The following KIAA0586 variants were observed in gnomAD, a reference collection of about 807,000 sequenced individuals.
The protein encoded by KIAA0586 is KIAA0586.
In KIAA0586, 144 loss-of-function variants were observed where a neutral mutation model predicts 169.8. The ratio of observed to expected loss-of-function variants is 0.85; its 90% CI spans 0.74 to 0.97. The LOEUF is 0.97. Among genes scored for constraint, KIAA0586 ranks in the 50% least tolerant of loss-of-function variants. The pLI is 0.00. For synonymous variants in KIAA0586, 625 were observed against 612.4 expected (o/e 1.02, Z -0.30); for missense variants, 1,854 against 1,823.0 (o/e 1.02, Z -0.31).
Position 58,477,186 on chromosome 14 carries a change from A to C in KIAA0586, c.2889A>C (p.Ala963=). ...SGLFPVQQQI[A]PSISVSVSET... ...TCTTTCCAGTCCAGCAACAGATTGC[A>C]CCTAGTATCAGTGTTTCAGTCAGTG... Residue 963 remains alanine, a synonymous_variant, in exon 20 of 31, where the codon GCA becomes GCC. Transcript: ENST00000652326. 6.3e-7 allele frequency: 1 copy of C among 1,584,738 alleles called. No individual in the cohort carries two copies. The highest frequency in any genetic ancestry group is 8.6e-7 in the Non-Finnish European group (1 of 1,163,536).
At chr14:58,476,646 T>A (rs183782764) in intron 19 of KIAA0586, among the ~76,000 whole-genome samples, 1 of 150,802 alleles carries the variant, frequency 6.6e-6, no homozygotes, top group East Asian at 2.0e-4. Context: ...CTGTTTAGTG[T>A]GTTTTATCTT....
At chr14:58,513,799 T>C (rs2007064) in intron 29 of KIAA0586, among the ~76,000 whole-genome samples, 6,706 of 152,136 alleles carry the variant, frequency 0.044, 444 homozygotes, top group African/African-American at 0.15. Flanking sequence ...TTAATGTTTT[T>C]AAAAATCAAT....
intron 20 of KIAA0586, among the ~76,000 whole-genome samples, chr14:58,478,855 G>T (rs2041841911): frequency 6.6e-6 from 1 of 152,208 alleles, no homozygotes. Flanking sequence ...CCCGTTGTTA[G>T]CTGGCTTCTT....
chr14:58,487,185 T>A lies in KIAA0586; in HGVS notation c.3304+19T>A, dbSNP rs759164063. ...GAAAAAGGTAGAAACTTTATTTCTA[T>A]AACTCGGTTTTAATTTTAGCAACTA... On this transcript the variant is annotated intron_variant, in intron 22 of 30. Coordinates refer to ENST00000652326, the MANE Select transcript of KIAA0586 (RefSeq NM_001329943.3). 5.0e-6 allele frequency: 8 copies of A among 1,593,208 alleles called. No homozygotes were observed. The Admixed American group carries it at 1.0e-4, about 21-fold the overall frequency.
Position 58,490,189 on chromosome 14 carries a change from G to T in KIAA0586, c.3807G>T (p.Leu1269=). 6.5e-7 allele frequency: 1 copy of T among 1,527,354 alleles called. No individual in the cohort carries two copies. The highest frequency in any genetic ancestry group is 1.2e-5 in the South Asian group (1 of 80,904). The allele number at this position is 1,527,354 out of a possible 1,614,324, so 94.6% of individuals were successfully genotyped here. A position where few individuals can be genotyped will look rare whatever the true frequency, so the allele number is the denominator to read the frequency against. The change falls in exon 25 of 31, where the codon CTG becomes CTT. Residue 1269 remains leucine (L), a synonymous_variant. Transcript: ENST00000652326. The part of the protein sequence containing the change: ...PKILEDIGLY[L]TNLNDSLSST... The stretch of plus-strand genomic sequence containing the variant: ...TTTTAGAAGATATAGGACTGTACCT[G>T]ACAAACCTTAATGATAGCTTATCCA...
At chr14:58,506,123 C>G (rs1275654977) in intron 27 of KIAA0586, among the ~76,000 whole-genome samples, 1 of 151,938 alleles carries the variant, frequency 6.6e-6, no homozygotes, top group Non-Finnish European at 1.5e-5. Context: ...TTTTCAATAT[C>G]TTCTTTTTTT....
At position 58,548,580 on chromosome 14, in the gene KIAA0586, G is replaced by A. The variant is rs962054493; in HGVS notation, c.*648G>A. The A allele has an allele frequency of 6.6e-6, 1 of 152,082 alleles. No homozygotes were observed. Among genetic ancestry groups the A allele is most frequent in the Non-Finnish European group, 1.5e-5 (1 of 68,014 alleles). The allele number at this position is 152,082 out of a possible 1,614,324, so 9.4% of individuals were successfully genotyped here. A position where few individuals can be genotyped will look rare whatever the true frequency, so the allele number is the denominator to read the frequency against. ...ATATAAACAAGAAACTGCTAAGTTT[G>A]TCTCCAGGGAGTAGAATTGTTGGCT... On this transcript the variant is annotated 3_prime_UTR_variant, in exon 31 of 31. Transcript: ENST00000652326.
chr14:58,547,465 T>C (rs946942188), intron 30 of KIAA0586, among the ~76,000 whole-genome samples: 1 of 152,112 alleles, frequency 6.6e-6, no homozygotes, highest in African/African-American at 2.4e-5. Flanking sequence ...CAGCAAGAAG[T>C]TAAGTCTGGA....
At chr14:58,489,529 A>G (rs1179988994) in intron 24 of KIAA0586, among the ~76,000 whole-genome samples, 3 of 151,942 alleles carry the variant, frequency 2.0e-5, no homozygotes, top group Admixed American at 6.6e-5. Flanking sequence ...CTGAAACCTG[A>G]ATTTTTTTTT....
At chr14:58,470,521 A>G in intron 16 of KIAA0586, 92 bp from the exon 17 acceptor site, 1 of 628,356 alleles carries the variant, frequency 1.6e-6, no homozygotes, top group Non-Finnish European at 2.7e-6. Context: ...ATATGTGTAT[A>G]CACACACACA....
At chr14:58,436,829 C>G (rs2037860009) in intron 4 of KIAA0586, among the ~76,000 whole-genome samples, 1 of 152,158 alleles carries the variant, frequency 6.6e-6, no homozygotes, top group Non-Finnish European at 1.5e-5. Flanking sequence ...ATAATGTACT[C>G]TAAAGCCTTA....
chr14:58,427,556 T>C (rs2140364641), upstream of KIAA0586: 1 of 1,518,580 alleles, frequency 6.6e-7, no homozygotes, highest in Non-Finnish European at 8.8e-7. Context: ...AATAAACCCC[T>C]GTTATGTCCG....
At chr14:58,515,304 G>C (rs1400964156) in intron 29 of KIAA0586, among the ~76,000 whole-genome samples, 1 of 151,982 alleles carries the variant, frequency 6.6e-6, no homozygotes, top group Non-Finnish European at 1.5e-5. Flanking sequence ...GTCAAAATCA[G>C]TTTACATTTT....
At chr14:58,484,924 A>ATATTTT (rs1566877360) in intron 21 of KIAA0586, among the ~76,000 whole-genome samples, 7 of 13,054 alleles carry the variant, frequency 5.4e-4, no homozygotes, top group Non-Finnish European at 6.6e-4. Context: ...ATATATATAT[A>ATATTTT]TTTTTTTTTT....
At chr14:58,553,914 G>T (rs2047230860), downstream of KIAA0586, among the ~76,000 whole-genome samples, 1 of 152,106 alleles carries the variant, frequency 6.6e-6, no homozygotes, top group Non-Finnish European at 1.5e-5. Flanking sequence ...TTTGGGCTGG[G>T]CTCAACTAGG....
chr14:58,470,216 TTA>T (rs933584301), intron 16 of KIAA0586, among the ~76,000 whole-genome samples: 2 of 152,100 alleles, frequency 1.3e-5, no homozygotes, highest in African/African-American at 2.4e-5. Flanking sequence ...TGTTGAAATG[TTA>T]TATAGTCATT....
In KIAA0586 at chr14:58,517,875, G is replaced by A. The variant is rs552386073; in HGVS notation, c.4429+5248G>A. Reference sequence around the variant, plus strand: ...TTAAATGTAGTGAAAGAAGTTAAAAGGCTACATACTGTATGATTCCATTTA... The same window carrying A: ...TTAAATGTAGTGAAAGAAGTTAAAAAGCTACATACTGTATGATTCCATTTA... On this transcript the variant is annotated intron_variant, in intron 29 of 30. Coordinates refer to ENST00000652326, the MANE Select transcript of KIAA0586 (RefSeq NM_001329943.3). Among the ~76,000 whole-genome samples the A allele has an allele frequency of 2.6e-5, 4 of 152,214 alleles. No individual in the cohort carries two copies. The East Asian group carries it at 7.7e-4, about 29-fold the overall frequency.
intron 29 of KIAA0586, among the ~76,000 whole-genome samples, chr14:58,526,101 G>A (rs375147791): frequency 4.9e-4 from 75 of 152,354 alleles, no homozygotes; most frequent in African/African-American, 1.8e-3. Flanking sequence ...CTGGGACAGA[G>A]CACCTGTGGG....
intron 6 of KIAA0586, among the ~76,000 whole-genome samples, chr14:58,446,784 C>G (rs578236680): frequency 6.6e-6 from 1 of 152,048 alleles, no homozygotes; most frequent in Non-Finnish European, 1.5e-5. Context: ...AGTAAGTACT[C>G]CCTGCATGAC....
Sources: allele counts gnomAD v4.1 joint callset (sites outside exome capture counted in the v4.1 genomes callset), GRCh38; gene constraint gnomAD v4.1.1; transcripts MANE v1.5; gene names NCBI Gene and HGNC (gene_info 2026-07-23, HGNC 2026-07-21).